The following FBXL4 variants were observed in gnomAD, a reference collection of about 807,000 sequenced individuals.
The protein encoded by FBXL4 is F-box/LRR-repeat protein 4.
In FBXL4, 40 loss-of-function variants were observed where a neutral mutation model predicts 58.9. The observed-to-expected ratio is 0.68, with a 90% CI of 0.53 to 0.88. The LOEUF (loss-of-function observed/expected upper bound fraction) is 0.88, where lower values mean the gene tolerates loss of function less well. Among genes scored for constraint, FBXL4 ranks in the 40% least tolerant of loss-of-function variants. The probability of loss-of-function intolerance (pLI) is 0.00; values close to 1 mark genes in which losing one functional copy is unlikely to be tolerated. For synonymous variants in FBXL4, 263 were observed against 265.5 expected, an observed-to-expected ratio of 0.99 and a Z score of 0.09; for missense variants, 676 against 734.4, an observed-to-expected ratio of 0.92 and a Z score of 0.92.
rs550132759 is a variant in FBXL4 at position 98,895,802 on chromosome 6, C to T, written c.1317+3466G>A. On this transcript the variant is annotated intron_variant, in intron 7 of 9. Transcript: ENST00000369244. Reference sequence around the variant, plus strand: ...TCAAAAGCTTTATGCATTATGCATACGGACTTGTCTAAGTCTTGTAAAATG... The same window carrying T: ...TCAAAAGCTTTATGCATTATGCATATGGACTTGTCTAAGTCTTGTAAAATG... Among the ~76,000 whole-genome samples the T allele has an allele frequency of 3.9e-5, 6 of 152,170 alleles. No homozygotes were observed. The South Asian group carries it at 1.2e-3, about 32-fold the overall frequency.
At position 98,926,561 on chromosome 6, in the gene FBXL4, A is replaced by G; in HGVS notation, c.428T>C (p.Leu143Pro). ...GACTGCTCCGGGATGATAGGTTTCT[A>G]GAACATGTACAGCTGTAGGATACAC... ...QQVYPTAVHVLETYHPGAVIR... is the reference protein window; with the variant it reads ...QQVYPTAVHVPETYHPGAVIR... The change falls in exon 4 of 10, where the codon CTA becomes CCA. Residue 143 changes from leucine to proline, a missense_variant. Physicochemically the swap from Leu to Pro is moderately conservative, Grantham distance 98 (BLOSUM62 -3). Transcript: ENST00000369244. 1 of 1,614,188 alleles carries G rather than the reference A, an allele frequency of 6.2e-7. No individual in the cohort carries two copies. The highest frequency in any genetic ancestry group is 8.5e-7 in the Non-Finnish European group (1 of 1,180,000).
chr6:98,890,712 A>G (rs773347180), intron 7 of FBXL4, among the ~76,000 whole-genome samples: 21 of 152,300 alleles, frequency 1.4e-4, no homozygotes, highest in South Asian at 6.2e-4. Flanking sequence ...TGAGGTCAGG[A>G]GTTCAAGACC....
At position 98,872,655 on chromosome 6, in the gene FBXL4, C is replaced by T. The variant is rs1770524110; in HGVS notation, c.*1623G>A. 6.6e-6 allele frequency: 1 copy of T among 152,094 alleles called. No individual in the cohort carries two copies. The highest frequency in any genetic ancestry group is 1.5e-5 in the Non-Finnish European group (1 of 68,018). 9.4% of individuals were successfully genotyped at this position (152,094 alleles called of 1,614,324 possible). A position where few individuals can be genotyped will look rare whatever the true frequency, so the allele number is the denominator to read the frequency against. On this transcript the variant is annotated 3_prime_UTR_variant, in exon 10 of 10. Transcript: ENST00000369244. ...TAACAATCTCAGTTTTACCTCTTAG[C>T]CCACAAAGCCTAAAATATTTACTAT...
chr6:98,907,487 C>G (rs1448387908), intron 5 of FBXL4, among the ~76,000 whole-genome samples: 1 of 152,104 alleles, frequency 6.6e-6, no homozygotes, highest in South Asian at 2.1e-4. Flanking sequence ...ATTAAGAAGG[C>G]AGAATTCAAG....
At chr6:98,935,300 G>GT (rs1477321071) in intron 1 of FBXL4, among the ~76,000 whole-genome samples, 1 of 146,694 alleles carries the variant, frequency 6.8e-6, no homozygotes, top group Non-Finnish European at 1.5e-5. Context: ...GAGTGGAATG[G>GT]TTTTTTGTTT....
At chr6:98,905,197 AG>A (rs1382271465) in intron 6 of FBXL4, among the ~76,000 whole-genome samples, 3 of 152,342 alleles carry the variant, frequency 2.0e-5, no homozygotes, top group South Asian at 2.1e-4. Context: ...CATGAAGTAA[AG>A]GGTATAGTTT....
chr6:98,933,628 G>A (rs933761861), intron 2 of FBXL4, among the ~76,000 whole-genome samples: 6 of 152,048 alleles, frequency 3.9e-5, no homozygotes, highest in Admixed American at 6.6e-5. Context: ...CGTATTATTT[G>A]CTATTTCTTA....
intron 5 of FBXL4, 135 bp downstream of exon 5, chr6:98,917,239 A>T (rs1248643267): frequency 1.7e-6 from 1 of 574,592 alleles, no homozygotes; most frequent in African/African-American, 1.9e-5. Context: ...TTTTTCCAAA[A>T]TCAAAATATA....
At chr6:98,881,653 T>A (rs959874289) in intron 7 of FBXL4, among the ~76,000 whole-genome samples, 3 of 152,058 alleles carry the variant, frequency 2.0e-5, no homozygotes, top group African/African-American at 7.2e-5. Context: ...AATGTAAGGT[T>A]ACTTAAAGCA....
intron 8 of FBXL4, among the ~76,000 whole-genome samples, chr6:98,878,644 T>C (rs1301763898): frequency 3.9e-5 from 6 of 152,184 alleles, no homozygotes; most frequent in African/African-American, 1.4e-4. Flanking sequence ...TATAAGCATA[T>C]ATATAATTCC....
At chr6:98,934,174 T>C (rs1449721541) in intron 2 of FBXL4, among the ~76,000 whole-genome samples, 1 of 152,148 alleles carries the variant, frequency 6.6e-6, no homozygotes, top group Non-Finnish European at 1.5e-5. Flanking sequence ...GAAAGCCATT[T>C]CCTCAAATAC....
intron 5 of FBXL4, among the ~76,000 whole-genome samples, chr6:98,912,706 C>T (rs1772142743): frequency 6.6e-6 from 1 of 152,062 alleles, no homozygotes. Context: ...CAACCGGTAC[C>T]AGCTGCTGCA....
intron 2 of FBXL4, among the ~76,000 whole-genome samples, chr6:98,931,012 C>T (rs1299315209): frequency 6.6e-6 from 1 of 152,142 alleles, no homozygotes; most frequent in African/African-American, 2.4e-5. Context: ...ATTTAGAAGA[C>T]TATGGATGTG....
chr6:98,878,413 C>T (rs1337884575), intron 8 of FBXL4, among the ~76,000 whole-genome samples: 1 of 152,012 alleles, frequency 6.6e-6, no homozygotes, highest in Non-Finnish European at 1.5e-5. Flanking sequence ...ATAACCATAG[C>T]TCACTGCAGC....
At position 98,880,589 on chromosome 6, in the gene FBXL4, T is replaced by A; in HGVS notation, c.1353A>T (p.Ser451=). The change falls in exon 8 of 10, where the codon TCA becomes TCT. Residue 451 remains serine, a synonymous_variant. Transcript: ENST00000369244. ...TALLSILNFC[S]ELQHLSLGSC... is the part of the protein sequence containing the mutation. ...TGCCTAAACTGAGGTGCTGAAGCTC[T>A]GAACAGAAGTTCAAAATGCTGAGCA... 2 of 1,613,988 alleles carry A rather than the reference T, an allele frequency of 1.2e-6. No individual in the cohort carries two copies. Among genetic ancestry groups the A allele is most frequent in the East Asian group, 2.2e-5 (1 of 44,866 alleles).
intron 1 of FBXL4, among the ~76,000 whole-genome samples, chr6:98,935,214 C>T (rs936567353): frequency 1.3e-5 from 2 of 150,570 alleles, no homozygotes; most frequent in African/African-American, 2.4e-5. Flanking sequence ...ATTTCATAAT[C>T]AATCTTTAGT....
At chr6:98,927,117 T>C in intron 3 of FBXL4, 57 bp from the exon 4 acceptor site, 6 of 865,960 alleles carry the variant, frequency 6.9e-6, no homozygotes, top group Non-Finnish European at 8.9e-6. Flanking sequence ...GAAAAATGCA[T>C]GGATAAGGTA....
chr6:98,915,123 G>C (rs1453576326), intron 5 of FBXL4, among the ~76,000 whole-genome samples: 3 of 152,116 alleles, frequency 2.0e-5, no homozygotes, highest in African/African-American at 7.2e-5. Flanking sequence ...GGACGTGAAG[G>C]ACCTATTCAA....
Position 98,899,188 on chromosome 6 carries a change from T to C in FBXL4, c.1317+80A>G, listed in dbSNP as rs1280054360. 3.8e-6 allele frequency: 6 copies of C among 1,558,496 alleles called. No individual in the cohort carries two copies. In the African/African-American group the frequency reaches 6.9e-5, roughly 18 times the overall value. Reference sequence around the variant, plus strand: ...ACTTGATTTAAAAATAAAAAACACATTATTATGAGCAATTACAGAAAACCA... The same window carrying C: ...ACTTGATTTAAAAATAAAAAACACACTATTATGAGCAATTACAGAAAACCA... On this transcript the variant is annotated intron_variant, in intron 7 of 9. Transcript: ENST00000369244.
Sources: allele counts gnomAD v4.1 joint callset (sites outside exome capture counted in the v4.1 genomes callset), GRCh38; gene constraint gnomAD v4.1.1; transcripts MANE v1.5; gene names NCBI Gene and HGNC (gene_info 2026-07-23, HGNC 2026-07-21).